The following RCN3 variants were observed in gnomAD, a reference collection of about 807,000 sequenced individuals.
RCN3 encodes reticulocalbin-3.
RCN3 carries 41 observed loss-of-function variants against 35.9 expected under a neutral mutation model. That is an observed-to-expected ratio of 1.14 (90% CI 0.89 to 1.48). RCN3 has a LOEUF of 1.48. Ranked by LOEUF, RCN3 falls within the 40% of genes most tolerant of loss-of-function variation. The pLI, the probability that RCN3 is intolerant of heterozygous loss-of-function variation, is 0.00. For synonymous variants in RCN3, 187 were observed against 193.4 expected (o/e 0.97, Z 0.27); for missense variants, 451 against 471.3 (o/e 0.96, Z 0.40).
At position 49,537,121 on chromosome 19, in the gene RCN3, TGG is replaced by T. The variant is rs765011501; in HGVS notation, c.537_538del (p.Asp180LeufsTer27). 3 of 1,598,074 alleles carry T rather than the reference TGG, an allele frequency of 1.9e-6. No homozygotes were observed. The highest frequency in any genetic ancestry group is 2.6e-6 in the Non-Finnish European group (3 of 1,171,450). On this transcript the variant is annotated frameshift_variant, in exon 4 of 7. Coordinates refer to ENST00000270645, the MANE Select transcript of RCN3 (RefSeq NM_020650.3). LOFTEE classifies it high-confidence loss of function. ...ERRFRVADQD[G>X]DSMATREELT... ...GGCGTTTCCGGGTGGCCGACCAGGA[TGG>T]GGACTCGATGGCCACTCGAGAGGAG... is the stretch of plus-strand genomic sequence containing the variant.
intron 6 of RCN3, 124 bp downstream of exon 6, chr19:49,542,876 CAGAG>C (rs2080170124): frequency 3.1e-6 from 3 of 982,772 alleles, no homozygotes; most frequent in Non-Finnish European, 4.4e-6. Context: ...AAAAGAGGGA[CAGAG>C]AGAGGGAGGA....
In RCN3 at chr19:49,542,541, C is replaced by T. The variant is rs1258356175; in HGVS notation, c.680-12C>T. 1 of 1,570,892 alleles carries T rather than the reference C, an allele frequency of 6.4e-7. No individual in the cohort carries two copies. Among genetic ancestry groups the T allele is most frequent in the Admixed American group, 1.9e-5 (1 of 52,892 alleles). ...CTGCCCCTGACCTTGTCCCCTCTGT[C>T]CCGGCCCCCAGCGGATCTGTACTCA... On this transcript the variant is annotated splice_polypyrimidine_tract_variant and intron_variant, in intron 5 of 6. Transcript: ENST00000270645.
rs1159527149 is a variant in RCN3 at position 49,543,110 on chromosome 19, G to A, written c.884G>A (p.Gly295Glu). The A allele has an allele frequency of 6.2e-7, 1 of 1,613,892 alleles. No homozygotes were observed. Among genetic ancestry groups the A allele is most frequent in the Non-Finnish European group, 8.5e-7 (1 of 1,179,922 alleles). The change falls in exon 7 of 7, where the codon GGG (glycine) becomes GAG (glutamate). Residue 295 changes from glycine to glutamate, a missense_variant. Transcript: ENST00000270645. ...GAACCCTGACCCTCCCTCCAGGATG[G>A]GCGGCTGAGCAAAGCGGAAATCCTG... ...LLHESDTDKD[G>E]RLSKAEILGN...
In RCN3 at chr19:49,533,114, C is replaced by T. The variant is rs529742802; in HGVS notation, c.243-1079C>T. Among the ~76,000 whole-genome samples, 5 of 152,326 alleles carry T rather than the reference C, an allele frequency of 3.3e-5. No homozygotes were observed. In the East Asian group the frequency reaches 9.7e-4, roughly 29 times the overall value. On this transcript the variant is annotated intron_variant, in intron 2 of 6. Coordinates refer to ENST00000270645, the MANE Select transcript of RCN3 (RefSeq NM_020650.3). ...GTTAAGTCACTTGCCCACAGTCACA[C>T]AGCCAGTAAGAGGAAGTGGCTGGAT...
intron 5 of RCN3, among the ~76,000 whole-genome samples, chr19:49,541,766 G>T (rs1004833042): frequency 2.6e-5 from 4 of 151,678 alleles, no homozygotes; most frequent in African/African-American, 9.7e-5. Flanking sequence ...TGGATCATGG[G>T]GTCAGGAGTT....
intron 3 of RCN3, among the ~76,000 whole-genome samples, chr19:49,535,587 C>T (rs1465208746): frequency 6.6e-6 from 1 of 152,154 alleles, no homozygotes; most frequent in Non-Finnish European, 1.5e-5. Flanking sequence ...TGCCATGGCT[C>T]ACGCCTGTAA....
At chr19:49,541,921 A>C (rs1455509297) in intron 5 of RCN3, among the ~76,000 whole-genome samples, 2 of 151,838 alleles carry the variant, frequency 1.3e-5, no homozygotes, top group African/African-American at 2.4e-5. Flanking sequence ...CAGAGGTTGC[A>C]GTGAGCTGAG....
At chr19:49,539,093 A>T in intron 4 of RCN3, 26 bp from the exon 5 acceptor site, 1 of 1,564,466 alleles carries the variant, frequency 6.4e-7, no homozygotes, top group Non-Finnish European at 8.6e-7. Context: ...ATCGGCCCCC[A>T]GCCTCAATGC....
intron 5 of RCN3, among the ~76,000 whole-genome samples, chr19:49,542,102 T>G (rs1237420661): frequency 3.3e-5 from 5 of 151,998 alleles, no homozygotes; most frequent in Non-Finnish European, 7.3e-5. Context: ...TCTTGCTATG[T>G]TGCCCAGGTT....
At chr19:49,541,413 C>T (rs1051297517) in intron 5 of RCN3, among the ~76,000 whole-genome samples, 2 of 152,112 alleles carry the variant, frequency 1.3e-5, no homozygotes, top group African/African-American at 4.8e-5. Flanking sequence ...TGGGCTCTGG[C>T]ACCTATTTCT....
intron 2 of RCN3, among the ~76,000 whole-genome samples, chr19:49,528,979 C>A (rs1274782990): frequency 2.6e-5 from 4 of 152,008 alleles, no homozygotes; most frequent in African/African-American, 9.7e-5. Flanking sequence ...GTCAGGAGTT[C>A]GAGAACAGCC....
At chr19:49,532,841 A>G (rs541802074) in intron 2 of RCN3, among the ~76,000 whole-genome samples, 1 of 151,328 alleles carries the variant, frequency 6.6e-6, no homozygotes, top group African/African-American at 2.4e-5. Flanking sequence ...ATGCCCTGCT[A>G]ATTTTTGTAT....
At chr19:49,541,542 A>G (rs1400000928) in intron 5 of RCN3, among the ~76,000 whole-genome samples, 2 of 152,166 alleles carry the variant, frequency 1.3e-5, no homozygotes, top group African/African-American at 4.8e-5. Context: ...TGAGGTCAAG[A>G]GTTCAAGACC....
intron 4 of RCN3, among the ~76,000 whole-genome samples, chr19:49,538,329 ATT>A (rs759783862): frequency 0.11 from 14,965 of 137,294 alleles, 945 homozygotes; most frequent in African/African-American, 0.19. Context: ...TGCCCGGCTA[ATT>A]TTTTTTTTTT....
Position 49,537,059 on chromosome 19 carries a change from G to A in RCN3, c.472G>A (p.Ala158Thr). 6.4e-7 allele frequency: 1 copy of A among 1,573,634 alleles called. No homozygotes were observed. The highest frequency in any genetic ancestry group is 8.6e-7 in the Non-Finnish European group (1 of 1,157,152). ...PGEEFHDVED[A>T]ETYKKMLARD... ...TGAAGAATTTCATGACGTGGAGGATGCAGAGACCTACAAAAAGATGCTGGC... is the reference window on the plus strand; with the variant it reads ...TGAAGAATTTCATGACGTGGAGGATACAGAGACCTACAAAAAGATGCTGGC... The change falls in exon 4 of 7, where the codon GCA becomes ACA. Residue 158 changes from alanine (A) to threonine (T), a missense_variant. Ala to Thr is a moderately conservative substitution (Grantham distance 58, BLOSUM62 0). Transcript: ENST00000270645.
At chr19:49,530,326 A>AT (rs774074543) in intron 2 of RCN3, among the ~76,000 whole-genome samples, 4,399 of 132,030 alleles carry the variant, frequency 0.033, 221 homozygotes, top group African/African-American at 0.11. Context: ...CGCCCAGCTA[A>AT]TTTTTTTTTT....
chr19:49,528,434 G>T, intron 1 of RCN3, 33 bp from the exon 2 acceptor site: 1 of 1,451,204 alleles, frequency 6.9e-7, no homozygotes, highest in Non-Finnish European at 9.1e-7. Flanking sequence ...CCATCCCTGT[G>T]ACCCCTGACC....
chr19:49,537,005 C>G (rs1412838482), intron 3 of RCN3, 28 bp from the exon 4 acceptor site: 1 of 1,479,664 alleles, frequency 6.8e-7, no homozygotes, highest in Non-Finnish European at 9.0e-7. Flanking sequence ...CATTAAAGCT[C>G]ATCTCACTGA....
At chr19:49,529,291 A>G (rs2080097151) in intron 2 of RCN3, among the ~76,000 whole-genome samples, 1 of 152,178 alleles carries the variant, frequency 6.6e-6, no homozygotes, top group Admixed American at 6.6e-5. Flanking sequence ...TCCCCTCCCC[A>G]AGCCTCAGTT....
Sources: gnomAD v4.1 joint callset for allele counts (sites outside exome capture counted in the v4.1 genomes callset) on GRCh38, gnomAD v4.1.1 for gene constraint, MANE v1.5 for transcripts, NCBI Gene and HGNC (gene_info 2026-07-23, HGNC 2026-07-21) for gene names.